Variants in MTFR1 observed in about 807,000 individuals in gnomAD.
The protein encoded by MTFR1 is chondrocyte protein with a poly-proline region.
In MTFR1, 28 loss-of-function variants were observed where a neutral mutation model predicts 38.8. The ratio of observed to expected loss-of-function variants is 0.72; its 90% CI spans 0.53 to 0.99. The LOEUF (loss-of-function observed/expected upper bound fraction) is 0.99, where lower values mean the gene tolerates loss of function less well. Among genes scored for constraint, MTFR1 ranks in the 50% least tolerant of loss-of-function variants. The pLI is 0.00. For synonymous variants in MTFR1, 145 were observed against 137.0 expected, an observed-to-expected ratio of 1.06 and a Z score of -0.41; for missense variants, 358 against 395.5, an observed-to-expected ratio of 0.91 and a Z score of 0.81.
rs559480845 is a variant in MTFR1, at chr8:65,708,568, C to T, written c.934-408C>T. On this transcript the variant is annotated intron_variant, in intron 7 of 7. Transcript: ENST00000262146. ...TCCCACATAATAATTGATACATTCC[C>T]TTTATTAACATTACTGTCCTGGGGC... Among the ~76,000 whole-genome samples, 8 of 152,268 alleles carry T rather than the reference C, an allele frequency of 5.3e-5. No individual in the cohort carries two copies. In the East Asian group the frequency reaches 1.4e-3, roughly 26 times the overall value.
chr8:65,644,612 T>A (rs1808896432), upstream of MTFR1: 1 of 152,268 alleles, frequency 6.6e-6, no homozygotes, highest in South Asian at 2.1e-4. Flanking sequence ...GCGGAGCGGT[T>A]GCCGCGTCCT....
intron 3 of MTFR1, among the ~76,000 whole-genome samples, chr8:65,726,354 G>T (rs1806608314): frequency 6.6e-6 from 1 of 151,986 alleles, no homozygotes. Context: ...AAATATTAGG[G>T]TTTTTTCCAT....
At chr8:65,661,561 G>A (rs1260414480) in intron 1 of MTFR1, among the ~76,000 whole-genome samples, 2 of 152,094 alleles carry the variant, frequency 1.3e-5, no homozygotes, top group Non-Finnish European at 2.9e-5. Context: ...AACCTGGGAC[G>A]GGGGTTGCAG....
At chr8:65,689,445 AAAAT>A (rs1805205623) in intron 3 of MTFR1, 1 of 438,540 alleles carries the variant, frequency 2.3e-6, no homozygotes, top group Non-Finnish European at 3.7e-6. Context: ...TAAGATTTCT[AAAAT>A]AAAATTGAAT....
At chr8:65,662,795 C>G (rs565467831) in intron 1 of MTFR1, among the ~76,000 whole-genome samples, 5 of 150,124 alleles carry the variant, frequency 3.3e-5, no homozygotes, top group South Asian at 4.2e-4. Context: ...GCAGCCACCC[C>G]GTCCGGGAGG....
Position 65,710,525 on chromosome 8 carries a change from T to C in MTFR1, c.*1481T>C, listed in dbSNP as rs1357312781. On this transcript the variant is annotated 3_prime_UTR_variant, in exon 8 of 8. Transcript: ENST00000262146. ...GCCCCCATATAAGGAAGTTACTGTT[T>C]TAAAATAAAGCAAACTAACTGTTTT... 2 of 152,660 alleles carry C rather than the reference T, an allele frequency of 1.3e-5. No individual in the cohort carries two copies. Among genetic ancestry groups the C allele is most frequent in the Admixed American group, 6.5e-5 (1 of 15,284 alleles). The allele number at this position is 152,660 out of a possible 1,614,324, so 9.5% of individuals were successfully genotyped here.
At chr8:65,757,456 T>C (rs1481673815) in intron 3 of MTFR1, among the ~76,000 whole-genome samples, 1 of 152,166 alleles carries the variant, frequency 6.6e-6, no homozygotes, top group Non-Finnish European at 1.5e-5. Flanking sequence ...TCTCCCAGGG[T>C]GAGGCTACTC....
chr8:65,705,709 G>C (rs1165532298), intron 5 of MTFR1, among the ~76,000 whole-genome samples: 1 of 152,156 alleles, frequency 6.6e-6, no homozygotes, highest in Admixed American at 6.5e-5. Flanking sequence ...CTCTAAAATG[G>C]GGATAATAGT....
chr8:65,657,994 C>T (rs1488284157), intron 1 of MTFR1, among the ~76,000 whole-genome samples: 1 of 152,032 alleles, frequency 6.6e-6, no homozygotes, highest in African/African-American at 2.4e-5. Context: ...ATCTGTGTTG[C>T]CTTATCTGTT....
chr8:65,664,141 A>G (rs953179804), intron 1 of MTFR1, among the ~76,000 whole-genome samples: 3 of 152,108 alleles, frequency 2.0e-5, no homozygotes, highest in African/African-American at 4.8e-5. Flanking sequence ...TATTAAAACT[A>G]TATATATCCT....
downstream of MTFR1, among the ~76,000 whole-genome samples, chr8:65,713,669 G>A (rs1276292412): frequency 2.0e-5 from 3 of 152,054 alleles, no homozygotes; most frequent in Admixed American, 6.5e-5. Context: ...TGAAGGCTAA[G>A]TAACTTTATC....
intron 3 of MTFR1, chr8:65,719,501 G>A (rs776231240): frequency 6.3e-7 from 1 of 1,575,272 alleles, no homozygotes; most frequent in Non-Finnish European, 8.7e-7. Context: ...AAAACCTTGA[G>A]AAAATAGGAG....
At chr8:65,690,599 C>A (rs57672653) in intron 3 of MTFR1, among the ~76,000 whole-genome samples, 1 of 152,108 alleles carries the variant, frequency 6.6e-6, no homozygotes, top group African/African-American at 2.4e-5. Flanking sequence ...CCTCCCCACA[C>A]TTTGTTTCCT....
chr8:65,685,337 A>G (rs187587278), intron 3 of MTFR1, among the ~76,000 whole-genome samples: 132 of 152,340 alleles, frequency 8.7e-4, no homozygotes, highest in African/African-American at 2.7e-3. Context: ...GGTGAAGTGG[A>G]TTAAACTGAG....
At chr8:65,758,206 G>A (rs370361311) in intron 3 of MTFR1, among the ~76,000 whole-genome samples, 186 of 152,260 alleles carry the variant, frequency 1.2e-3, no homozygotes, top group African/African-American at 2.7e-3. Flanking sequence ...AATAACAGCC[G>A]TATTCACTCT....
At chr8:65,706,858 A>C (rs1312616639) in intron 5 of MTFR1, 152 bp from the exon 6 acceptor site, 9 of 773,258 alleles carry the variant, frequency 1.2e-5, no homozygotes, top group Admixed American at 3.3e-5. Flanking sequence ...CTCATGAAGT[A>C]ACTGAAACTG....
Position 65,710,001 on chromosome 8 carries a change from C to T in MTFR1, c.*957C>T, listed in dbSNP as rs67514002. On this transcript the variant is annotated 3_prime_UTR_variant, in exon 8 of 8. Coordinates refer to ENST00000262146, the MANE Select transcript of MTFR1 (RefSeq NM_014637.4). ...AATGCTGTTTTGTTTAATAATATTA[C>T]GCAACATAAACCATAGGTGTTATTA... 0.15 allele frequency: 22,833 copies of T among 152,228 alleles called. 1,779 individuals are homozygous for T. The highest frequency in any genetic ancestry group is 0.18 in the Middle Eastern group (54 of 294). The allele number at this position is 152,228 out of a possible 1,614,324, so 9.4% of individuals were successfully genotyped here.
Position 65,707,098 on chromosome 8 carries a change from C to G in MTFR1, c.606C>G (p.His202Gln). 2 of 1,613,102 alleles carry G rather than the reference C, an allele frequency of 1.2e-6. No individual in the cohort carries two copies. The highest frequency in any genetic ancestry group is 1.7e-6 in the Non-Finnish European group (2 of 1,179,462). Reference sequence around the variant, plus strand: ...TGCCTCCCCCTGCACTGGGGCTCCACCAAAGTACATCTGCTGTTGATCTGA... The same window carrying G: ...TGCCTCCCCCTGCACTGGGGCTCCAGCAAAGTACATCTGCTGTTGATCTGA... ...PPLPPPALGL[H>Q]QSTSAVDLIK... Residue 202 changes from histidine to glutamine, a missense_variant, in exon 6 of 8, where the codon CAC (histidine) becomes CAG (glutamine). Transcript: ENST00000262146.
chr8:65,747,722 C>A (rs368789851), intron 3 of MTFR1: 1 of 1,610,940 alleles, frequency 6.2e-7, no homozygotes, highest in Non-Finnish European at 8.5e-7. Flanking sequence ...ACGAAAAAAG[C>A]GTGAAGATCT....
Sources: allele counts gnomAD v4.1 joint callset (sites outside exome capture counted in the v4.1 genomes callset), GRCh38; gene constraint gnomAD v4.1.1; transcripts MANE v1.5; gene names NCBI Gene and HGNC (gene_info 2026-07-23, HGNC 2026-07-21).